NTRK2: variants seen among roughly 807,000 people sequenced by gnomAD.
The protein encoded by NTRK2 is neurotrophic receptor tyrosine kinase 2, also known as BDNF/NT-3 growth factors receptor.
A neutral mutation model predicts 94.5 loss-of-function variants in NTRK2; 13 were observed. The observed-to-expected ratio is 0.14, with a 90% CI of 0.09 to 0.22. The LOEUF (loss-of-function observed/expected upper bound fraction) is 0.22, where lower values mean the gene tolerates loss of function less well. NTRK2 is among the 10% of genes least tolerant of loss of function. The pLI, the probability that NTRK2 is intolerant of heterozygous loss-of-function variation, is 1.00. For synonymous variants in NTRK2, 372 were observed against 407.4 expected, an observed-to-expected ratio of 0.91 and a Z score of 1.05; for missense variants, 639 against 1,071.2, an observed-to-expected ratio of 0.60 and a Z score of 5.63.
intron 17 of NTRK2, among the ~76,000 whole-genome samples, chr9:84,994,574 C>CAGTG (rs1334649519): frequency 5.9e-5 from 9 of 152,304 alleles, no homozygotes; most frequent in African/African-American, 2.2e-4. Context: ...ATTGTTACCA[C>CAGTG]TCCCAGATCA....
chr9:84,705,255 T>A (rs775356438), intron 4 of NTRK2, among the ~76,000 whole-genome samples: 1 of 152,106 alleles, frequency 6.6e-6, no homozygotes, highest in Non-Finnish European at 1.5e-5. Context: ...CCCCAGAGAC[T>A]GGTCACTGCG....
intron 12 of NTRK2, among the ~76,000 whole-genome samples, chr9:84,766,871 C>T (rs111712407): frequency 0.015 from 2,206 of 152,060 alleles, 27 homozygotes; most frequent in East Asian, 0.043. Flanking sequence ...AACACACGTT[C>T]GACACACACA....
intron 12 of NTRK2, among the ~76,000 whole-genome samples, chr9:84,765,318 A>G (rs1374382161): frequency 1.3e-5 from 2 of 152,180 alleles, no homozygotes; most frequent in Non-Finnish European, 2.9e-5. Context: ...TGTACCCCAT[A>G]AATATGTACA....
intron 15 of NTRK2, among the ~76,000 whole-genome samples, chr9:84,943,845 C>T (rs1334570552): frequency 2.0e-5 from 3 of 152,034 alleles, no homozygotes; most frequent in Admixed American, 6.5e-5. Flanking sequence ...GCTATGGTTC[C>T]ACCCTTAGAA....
At chr9:84,955,927 C>T (rs138435316) in intron 17 of NTRK2, among the ~76,000 whole-genome samples, 10 of 152,164 alleles carry the variant, frequency 6.6e-5, no homozygotes, top group Non-Finnish European at 1.3e-4. Context: ...AGGTTATCAA[C>T]GTATAAATTT....
In NTRK2 at chr9:84,721,112, GT is replaced by G. The variant is rs530934250; in HGVS notation, c.584-2460del. ...ACCATTTTAAATTTGATGAAATAAA[GT>G]AAGTATTGCATATTAGATGGTTCTG... On this transcript the variant is annotated intron_variant, in intron 6 of 18. Transcript: ENST00000277120. Among the ~76,000 whole-genome samples the G allele has an allele frequency of 7.9e-5, 12 of 152,046 alleles. No individual in the cohort carries two copies. The South Asian group carries it at 2.5e-3, about 32-fold the overall frequency.
At chr9:84,881,493 C>T (rs1325381678) in intron 14 of NTRK2, among the ~76,000 whole-genome samples, 1 of 152,158 alleles carries the variant, frequency 6.6e-6, no homozygotes, top group East Asian at 1.9e-4. Flanking sequence ...GTTCAACGAA[C>T]AAACAAGTGC....
intron 12 of NTRK2, among the ~76,000 whole-genome samples, chr9:84,757,157 CT>C: frequency 6.6e-6 from 1 of 151,824 alleles, no homozygotes. Context: ...CTTCCTTCTT[CT>C]TTTTTTTAAA....
chr9:84,740,328 A>G (rs1478152492), intron 9 of NTRK2, among the ~76,000 whole-genome samples: 3 of 152,250 alleles, frequency 2.0e-5, no homozygotes, highest in East Asian at 1.9e-4. Flanking sequence ...TCAGAGTGTT[A>G]TAACAGCTAT....
intron 17 of NTRK2, among the ~76,000 whole-genome samples, chr9:85,013,242 C>A (rs150719312): frequency 6.6e-6 from 1 of 152,280 alleles, no homozygotes; most frequent in African/African-American, 2.4e-5. Flanking sequence ...TTTTCCTGGA[C>A]GTGGTCATTG....
intron 12 of NTRK2, among the ~76,000 whole-genome samples, chr9:84,770,258 A>G (rs1302187532): frequency 2.6e-5 from 4 of 151,778 alleles, no homozygotes; most frequent in Non-Finnish European, 5.9e-5. Context: ...ACCCTTTGCC[A>G]GGTTTTGCTG....
chr9:85,010,615 TG>T (rs978963885), intron 17 of NTRK2, among the ~76,000 whole-genome samples: 9 of 152,302 alleles, frequency 5.9e-5, no homozygotes, highest in African/African-American at 2.2e-4. Context: ...TTGATCCACT[TG>T]GGAAATTCCC....
chr9:84,816,875 A>C (rs1022036334), intron 12 of NTRK2, among the ~76,000 whole-genome samples: 2 of 152,162 alleles, frequency 1.3e-5, no homozygotes, highest in Non-Finnish European at 2.9e-5. Context: ...TGTTGAACGA[A>C]GAACAGGTTG....
intron 14 of NTRK2, among the ~76,000 whole-genome samples, chr9:84,918,024 T>C (rs2077448999): frequency 6.6e-6 from 1 of 152,144 alleles, no homozygotes. Flanking sequence ...AGCACTGCAA[T>C]TGAAATTTAA....
At chr9:84,913,238 CT>C (rs1273348356) in intron 14 of NTRK2, among the ~76,000 whole-genome samples, 4 of 151,908 alleles carry the variant, frequency 2.6e-5, no homozygotes, top group Non-Finnish European at 5.9e-5. Context: ...TTAGTGGTTG[CT>C]TTAGGCACAT....
chr9:84,740,189 G>A (rs532117656), intron 9 of NTRK2, among the ~76,000 whole-genome samples: 73 of 152,330 alleles, frequency 4.8e-4, no homozygotes, highest in Middle Eastern at 3.4e-3. Flanking sequence ...CTTTTGTAAA[G>A]GGAAAGGACT....
intron 12 of NTRK2, among the ~76,000 whole-genome samples, chr9:84,846,092 T>C (rs1287724671): frequency 1.3e-5 from 2 of 152,192 alleles, no homozygotes; most frequent in South Asian, 2.1e-4. Flanking sequence ...CATACAAGCC[T>C]CCATTTCATT....
intron 17 of NTRK2, among the ~76,000 whole-genome samples, chr9:84,962,513 T>C (rs1202601260): frequency 6.6e-6 from 1 of 152,176 alleles, no homozygotes; most frequent in East Asian, 1.9e-4. Context: ...TCTGAGTCTC[T>C]TTTTCTTGAA....
At chr9:84,790,089 A>G (rs571973779) in intron 12 of NTRK2, among the ~76,000 whole-genome samples, 30 of 152,330 alleles carry the variant, frequency 2.0e-4, no homozygotes, top group Non-Finnish European at 3.8e-4. Context: ...CATCCTCCTC[A>G]GTGCATAGAC....
Sources: gnomAD v4.1 joint callset for allele counts (sites outside exome capture counted in the v4.1 genomes callset) on GRCh38, gnomAD v4.1.1 for gene constraint, MANE v1.5 for transcripts, NCBI Gene and HGNC (gene_info 2026-07-23, HGNC 2026-07-21) for gene names.